The following ZFHX3 variants were observed in gnomAD, a reference collection of about 807,000 sequenced individuals.
ZFHX3 encodes the protein zinc finger homeobox protein 3.
A neutral mutation model predicts 279.1 loss-of-function variants in ZFHX3; 42 were observed. The ratio of observed to expected loss-of-function variants is 0.15; its 90% CI spans 0.12 to 0.19. The LOEUF (loss-of-function observed/expected upper bound fraction) is 0.19, where lower values mean the gene tolerates loss of function less well. Among genes scored for constraint, ZFHX3 ranks in the 10% least tolerant of loss-of-function variants. The pLI is 1.00. For missense variants in ZFHX3, 4,981 were observed against 4,754.0 expected (o/e 1.05, Z -1.40); for synonymous variants, 2,293 against 1,957.8 (o/e 1.17, Z -4.52).
At chr16:73,553,929 AG>A (rs1428750757) in intron 2 of ZFHX3, among the ~76,000 whole-genome samples, 1 of 152,248 alleles carries the variant, frequency 6.6e-6, no homozygotes, top group African/African-American at 2.4e-5. Context: ...CAGAAAAAGT[AG>A]GGCAGATGAT....
chr16:73,275,853 G>A (rs2143042420), intron 4 of ZFHX3, among the ~76,000 whole-genome samples: 1 of 152,300 alleles, frequency 6.6e-6, no homozygotes, highest in South Asian at 2.1e-4. Flanking sequence ...GCAGTAAAGT[G>A]AAGCACAATA....
chr16:73,366,735 T>G (rs1281568683), intron 3 of ZFHX3, among the ~76,000 whole-genome samples: 1 of 152,162 alleles, frequency 6.6e-6, no homozygotes, highest in Non-Finnish European at 1.5e-5. Context: ...TGTGTGTGCG[T>G]GCACACTCAC....
intron 1 of ZFHX3, among the ~76,000 whole-genome samples, chr16:73,762,809 C>G (rs945910125): frequency 6.6e-6 from 1 of 152,042 alleles, no homozygotes; most frequent in Non-Finnish European, 1.5e-5. Flanking sequence ...GGGAATGACA[C>G]AGATTGGGGC....
chr16:73,778,370 C>G (rs1371443697), intron 1 of ZFHX3, among the ~76,000 whole-genome samples: 2 of 151,222 alleles, frequency 1.3e-5, no homozygotes, highest in Non-Finnish European at 2.9e-5. Context: ...TAGAAAATTG[C>G]TCTGTGAGAT....
chr16:73,260,776 G>A (rs1025613341), intron 4 of ZFHX3, among the ~76,000 whole-genome samples: 1 of 135,556 alleles, frequency 7.4e-6, no homozygotes, highest in Admixed American at 8.6e-5. Context: ...TCCGCCTCCC[G>A]GGTTTAAACA....
intron 2 of ZFHX3, among the ~76,000 whole-genome samples, chr16:73,561,386 A>G (rs760444448): frequency 2.0e-5 from 3 of 152,252 alleles, no homozygotes; most frequent in African/African-American, 4.8e-5. Flanking sequence ...TAAATCTCCA[A>G]AAATGAAAGA....
intron 2 of ZFHX3, among the ~76,000 whole-genome samples, chr16:73,596,475 T>C (rs1401085262): frequency 6.6e-6 from 1 of 152,164 alleles, no homozygotes; most frequent in African/African-American, 2.4e-5. Flanking sequence ...CTAGCCTCAC[T>C]GTGCTGGTCA....
At chr16:72,939,014 C>T (rs972432761) in intron 3 of ZFHX3, among the ~76,000 whole-genome samples, 2 of 119,354 alleles carry the variant, frequency 1.7e-5, no homozygotes, top group African/African-American at 6.7e-5. Flanking sequence ...ATGTCTAGGA[C>T]ACATAGCCCT....
chr16:73,454,678 T>C (rs1251340803), intron 3 of ZFHX3, among the ~76,000 whole-genome samples: 11 of 152,052 alleles, frequency 7.2e-5, no homozygotes, highest in Admixed American at 7.2e-4. Context: ...CTTTTCCCAG[T>C]TAGGGTATCA....
intron 4 of ZFHX3, among the ~76,000 whole-genome samples, chr16:73,313,200 C>A (rs185766925): frequency 6.6e-6 from 1 of 152,204 alleles, no homozygotes; most frequent in Admixed American, 6.5e-5. Context: ...TTCCCTTCAC[C>A]TTCCACCATG....
chr16:73,785,959 C>T (rs1289095169), intron 1 of ZFHX3, among the ~76,000 whole-genome samples: 11 of 152,102 alleles, frequency 7.2e-5, no homozygotes, highest in Admixed American at 7.2e-4. Flanking sequence ...CAACCTCCAC[C>T]TCCCAGGTTC....
intron 2 of ZFHX3, among the ~76,000 whole-genome samples, chr16:73,591,892 T>C (rs2052003455): frequency 6.6e-6 from 1 of 151,776 alleles, no homozygotes; most frequent in Admixed American, 6.6e-5. Flanking sequence ...AAATAATTAT[T>C]GTTAATAATT....
intron 2 of ZFHX3, among the ~76,000 whole-genome samples, chr16:73,648,296 TGTCAAA>T (rs2052639171): frequency 6.6e-6 from 1 of 152,254 alleles, no homozygotes; most frequent in African/African-American, 2.4e-5. Flanking sequence ...TTAAATGATT[TGTCAAA>T]GTCCACATTA....
intron 5 of ZFHX3, among the ~76,000 whole-genome samples, chr16:73,211,897 C>T (rs944519802): frequency 6.6e-6 from 1 of 151,834 alleles, no homozygotes; most frequent in Non-Finnish European, 1.5e-5. Context: ...CTTCAATCAG[C>T]GCAGTTCTAT....
intron 2 of ZFHX3, among the ~76,000 whole-genome samples, chr16:73,589,644 G>A (rs949147252): frequency 2.1e-5 from 3 of 139,602 alleles, no homozygotes; most frequent in African/African-American, 7.9e-5. Flanking sequence ...GCAGGAGAAT[G>A]GCATGAATCC....
intron 2 of ZFHX3, among the ~76,000 whole-genome samples, chr16:73,538,163 A>C (rs534640204): frequency 6.6e-6 from 1 of 152,326 alleles, no homozygotes; most frequent in Admixed American, 6.5e-5. Context: ...GCACATGTAC[A>C]TATCACGTCA....
chr16:73,065,894 C>T (rs1274994707), intron 8 of ZFHX3, among the ~76,000 whole-genome samples: 1 of 152,236 alleles, frequency 6.6e-6, no homozygotes, highest in Non-Finnish European at 1.5e-5. Context: ...GTTTCCCATT[C>T]TCAGAAATAG....
intron 1 of ZFHX3, among the ~76,000 whole-genome samples, chr16:73,036,086 C>T (rs968819655): frequency 6.6e-6 from 1 of 152,224 alleles, no homozygotes; most frequent in Non-Finnish European, 1.5e-5. Context: ...CCTTCTCCCC[C>T]ACCCCATACA....
At chr16:73,095,581 GCAGCTTTTGTGT>G (rs779293357) in intron 7 of ZFHX3, among the ~76,000 whole-genome samples, 99 of 152,314 alleles carry the variant, frequency 6.5e-4, no homozygotes, top group Non-Finnish European at 1.0e-3. Flanking sequence ...ATTCATGGCT[GCAGCTTTTGTGT>G]CAGACCTTAC....
Sources: allele counts gnomAD v4.1 joint callset (sites outside exome capture counted in the v4.1 genomes callset), GRCh38; gene constraint gnomAD v4.1.1; transcripts MANE v1.5; gene names NCBI Gene and HGNC (gene_info 2026-07-23, HGNC 2026-07-21).